Variants in KLF12 observed in about 807,000 individuals in gnomAD.
KLF12 encodes KLF transcription factor 12, also known as Krueppel-like factor 12.
A neutral mutation model predicts 37.8 loss-of-function variants in KLF12; 9 were observed. The observed-to-expected ratio is 0.24, with a 90% CI of 0.14 to 0.42. KLF12 has a LOEUF of 0.42. KLF12 is among the 10% of genes least tolerant of loss of function. The pLI, the probability that KLF12 is intolerant of heterozygous loss-of-function variation, is 1.00. For synonymous variants in KLF12, 208 were observed against 202.1 expected, an observed-to-expected ratio of 1.03 and a Z score of -0.25; for missense variants, 411 against 516.0, an observed-to-expected ratio of 0.80 and a Z score of 1.97.
the KLF12 span, among the ~76,000 whole-genome samples, chr13:74,204,598 T>C: frequency 1.2e-4 from 19 of 152,274 alleles, no homozygotes; most frequent in East Asian, 3.3e-3. Flanking sequence ...GCCCAATTAT[T>C]TGAGGAGGAT....
intron 1 of KLF12, among the ~76,000 whole-genome samples, chr13:74,112,359 T>C (rs189371822): frequency 4.9e-4 from 73 of 150,316 alleles, no homozygotes; most frequent in Non-Finnish European, 9.2e-4. Flanking sequence ...TTTGTTACAT[T>C]CCATTTTACT....
the KLF12 span, among the ~76,000 whole-genome samples, chr13:74,194,343 G>A: frequency 2.0e-5 from 3 of 152,162 alleles, no homozygotes; most frequent in Admixed American, 1.3e-4. Flanking sequence ...TTGCGCTGCT[G>A]TAACAAAATA....
chr13:73,949,607 C>A (rs1277893676), intron 2 of KLF12, among the ~76,000 whole-genome samples: 1 of 152,134 alleles, frequency 6.6e-6, no homozygotes, highest in African/African-American at 2.4e-5. Context: ...GGTTTCATGG[C>A]CTTCAATGAA....
intron 5 of KLF12, among the ~76,000 whole-genome samples, chr13:73,774,485 C>G (rs903194325): frequency 6.6e-6 from 1 of 152,122 alleles, no homozygotes; most frequent in Non-Finnish European, 1.5e-5. Flanking sequence ...GCAGATCCAT[C>G]CGTCACTTCC....
the KLF12 span, among the ~76,000 whole-genome samples, chr13:74,166,753 C>T: frequency 6.6e-6 from 1 of 152,154 alleles, no homozygotes; most frequent in East Asian, 1.9e-4. Flanking sequence ...AAATACACAG[C>T]GCCACACATT....
chr13:74,287,122 A>G, the KLF12 span, among the ~76,000 whole-genome samples: 1 of 152,156 alleles, frequency 6.6e-6, no homozygotes, highest in Non-Finnish European at 1.5e-5. Context: ...ACCTCGGCTC[A>G]CTGCTGCAGG....
At chr13:74,027,558 C>T (rs1893008060) in intron 1 of KLF12, among the ~76,000 whole-genome samples, 1 of 152,102 alleles carries the variant, frequency 6.6e-6, no homozygotes, top group African/African-American at 2.4e-5. Flanking sequence ...TAGGCTTTAA[C>T]AGTAAAACTG....
At chr13:74,123,515 T>C in intron 1 of KLF12, among the ~76,000 whole-genome samples, 1 of 152,362 alleles carries the variant, frequency 6.6e-6, no homozygotes, top group South Asian at 2.1e-4. Context: ...TACGTATGTA[T>C]TTACAGCACC....
At chr13:73,871,484 G>T (rs1039359594) in intron 3 of KLF12, among the ~76,000 whole-genome samples, 1 of 152,100 alleles carries the variant, frequency 6.6e-6, no homozygotes, top group East Asian at 1.9e-4. Context: ...TAAACTGAGC[G>T]GGGAGAAAAT....
intron 1 of KLF12, among the ~76,000 whole-genome samples, chr13:74,040,428 G>A (rs1893370724): frequency 6.6e-6 from 1 of 152,150 alleles, no homozygotes; most frequent in African/African-American, 2.4e-5. Flanking sequence ...GGATGCACTG[G>A]CCATCTGCAG....
chr13:73,898,280 G>A (rs191453363), intron 3 of KLF12, among the ~76,000 whole-genome samples: 2 of 152,188 alleles, frequency 1.3e-5, no homozygotes, highest in East Asian at 1.9e-4. Flanking sequence ...GTAATTAACC[G>A]ATGTTAAACA....
the KLF12 span, among the ~76,000 whole-genome samples, chr13:74,302,916 T>C: frequency 1.3e-5 from 2 of 152,142 alleles, no homozygotes; most frequent in African/African-American, 4.8e-5. Flanking sequence ...GGTCAGGGCC[T>C]CCTAATTTTC....
the KLF12 span, among the ~76,000 whole-genome samples, chr13:74,247,349 A>T: frequency 6.6e-6 from 1 of 151,818 alleles, no homozygotes; most frequent in East Asian, 1.9e-4. Flanking sequence ...TGTAATAATA[A>T]CTCTTTGAAA....
intron 5 of KLF12, among the ~76,000 whole-genome samples, chr13:73,774,834 A>G (rs1159282106): frequency 6.6e-6 from 1 of 152,008 alleles, no homozygotes; most frequent in Non-Finnish European, 1.5e-5. Context: ...GTTATTATCA[A>G]TAACAATCTA....
At chr13:74,143,818 T>C in the KLF12 span, among the ~76,000 whole-genome samples, 5 of 152,332 alleles carry the variant, frequency 3.3e-5, no homozygotes, top group African/African-American at 1.2e-4. Flanking sequence ...CTACATGAGA[T>C]ATTCAACACT....
intron 3 of KLF12, among the ~76,000 whole-genome samples, chr13:73,924,047 T>A (rs1889251381): frequency 6.6e-6 from 1 of 152,116 alleles, no homozygotes; most frequent in African/African-American, 2.4e-5. Flanking sequence ...ATCTTCTCAA[T>A]GAACTGACAC....
intron 3 of KLF12, among the ~76,000 whole-genome samples, chr13:73,909,466 A>G (rs960723527): frequency 1.3e-5 from 2 of 152,190 alleles, no homozygotes; most frequent in Non-Finnish European, 2.9e-5. Context: ...TTTCACATAT[A>G]TGCCTGTTCC....
chr13:73,853,531 G>T (rs186893941), intron 3 of KLF12, among the ~76,000 whole-genome samples: 14 of 152,264 alleles, frequency 9.2e-5, no homozygotes, highest in Admixed American at 7.2e-4. Flanking sequence ...GAGGTCAGGA[G>T]TTCAAGACCA....
chr13:74,022,511 T>C (rs1052651944), intron 1 of KLF12, among the ~76,000 whole-genome samples: 1 of 152,100 alleles, frequency 6.6e-6, no homozygotes, highest in South Asian at 2.1e-4. Flanking sequence ...TTCTGCCACA[T>C]GGCATTTTTC....
Sources: gnomAD v4.1 joint callset for allele counts (sites outside exome capture counted in the v4.1 genomes callset) on GRCh38, gnomAD v4.1.1 for gene constraint, MANE v1.5 for transcripts, NCBI Gene and HGNC (gene_info 2026-07-23, HGNC 2026-07-21) for gene names.